Variants in CFAP46 observed in about 807,000 individuals in gnomAD.
CFAP46 encodes cilia and flagella associated protein 46, also known as cilia- and flagella-associated protein 46.
A neutral mutation model predicts 325.7 loss-of-function variants in CFAP46; 245 were observed. The observed-to-expected ratio is 0.75, with a 90% CI of 0.68 to 0.84. The LOEUF (loss-of-function observed/expected upper bound fraction) is 0.84. Ranked by LOEUF, CFAP46 falls within the 40% of genes least tolerant of loss-of-function variation. The pLI, the probability that CFAP46 is intolerant of heterozygous loss-of-function variation, is 0.00. For missense variants in CFAP46, 3,346 were observed against 3,543.0 expected (o/e 0.94, Z 1.41); for synonymous variants, 1,523 against 1,495.9 (o/e 1.02, Z -0.42).
chr10:132,845,324 C>T (rs184634260), intron 44 of CFAP46, among the ~76,000 whole-genome samples: 168 of 152,342 alleles, frequency 1.1e-3, no homozygotes, highest in African/African-American at 3.5e-3. Context: ...GGCCATGTTG[C>T]GCCCACTGGC....
chr10:132,846,128 G>C lies in CFAP46; in HGVS notation c.6367C>G (p.Leu2123Val). 6.2e-7 allele frequency: 1 copy of C among 1,610,530 alleles called. No individual in the cohort carries two copies. Residue 2123 changes from leucine to valine, a missense_variant, in exon 44 of 58, where the codon CTC (leucine) becomes GTC (valine). Coordinates refer to ENST00000368586, the MANE Select transcript of CFAP46 (RefSeq NM_001200049.3). The stretch of plus-strand genomic sequence containing the variant: ...GTGGTGGTCCTGTCTTGGCACCGGA[G>C]CTGGTGCTGTAGCTGCAGCAGGGCC... ...LAALLQLQHQ[L>V]RCQDRTTTSL...
At chr10:132,938,542 G>C (rs748597297) in intron 5 of CFAP46, 47 bp downstream of exon 5, 1 of 1,591,574 alleles carries the variant, frequency 6.3e-7, no homozygotes, top group East Asian at 2.3e-5. Flanking sequence ...CAGAGCCAGA[G>C]GGCGGCCCAC....
intron 50 of CFAP46, among the ~76,000 whole-genome samples, chr10:132,815,502 T>C (rs1428748644): frequency 6.6e-6 from 1 of 152,256 alleles, no homozygotes; most frequent in Non-Finnish European, 1.5e-5. Context: ...ATGGATTTCT[T>C]TATCAGGATG....
chr10:132,862,340 C>T (rs902443409), intron 35 of CFAP46, among the ~76,000 whole-genome samples: 9 of 150,772 alleles, frequency 6.0e-5, no homozygotes, highest in African/African-American at 2.2e-4. Context: ...GGCGACAGGG[C>T]GGGCAGGGGC....
intron 50 of CFAP46, among the ~76,000 whole-genome samples, chr10:132,815,773 G>A (rs532707808): frequency 4.5e-4 from 68 of 152,248 alleles, no homozygotes; most frequent in Admixed American, 6.5e-4. Context: ...GTGACAGAGC[G>A]AGACCGTCAG....
intron 39 of CFAP46, among the ~76,000 whole-genome samples, chr10:132,854,518 T>C (rs1848611317): frequency 6.6e-6 from 1 of 152,158 alleles, no homozygotes; most frequent in African/African-American, 2.4e-5. Context: ...TTTGTATTTT[T>C]AGTGGAGATG....
chr10:132,915,630 C>A (rs4406748), intron 17 of CFAP46, among the ~76,000 whole-genome samples: 3,305 of 150,382 alleles, frequency 0.022, 99 homozygotes, highest in African/African-American at 0.077. Context: ...GAGGGACCGG[C>A]GAGGGCGGGG....
intron 50 of CFAP46, among the ~76,000 whole-genome samples, chr10:132,822,925 GTGC>G (rs1261783322): frequency 1.4e-5 from 2 of 143,324 alleles, no homozygotes; most frequent in Non-Finnish European, 3.0e-5. Context: ...GTGCTGATGT[GTGC>G]TGATGTGTGC....
chr10:132,916,336 G>A (rs74161930), intron 17 of CFAP46, among the ~76,000 whole-genome samples: 45 of 152,318 alleles, frequency 3.0e-4, no homozygotes, highest in African/African-American at 9.1e-4. Context: ...GGGGTCTTGC[G>A]AGGAACGACG....
chr10:132,909,834 C>T (rs756917536), intron 20 of CFAP46, 85 bp downstream of exon 20: 22 of 1,299,270 alleles, frequency 1.7e-5, no homozygotes, highest in Non-Finnish European at 2.2e-5. Flanking sequence ...TAAGTGGTCC[C>T]GGGGGCCCCA....
Position 132,934,766 on chromosome 10 carries a change from A to G in CFAP46, c.852T>C (p.Ser284=), listed in dbSNP as rs1308548314. 2 of 1,602,420 alleles carry G rather than the reference A, an allele frequency of 1.2e-6. No individual in the cohort carries two copies. Among genetic ancestry groups the G allele is most frequent in the Non-Finnish European group, 1.7e-6 (2 of 1,170,060 alleles). The change falls in exon 8 of 58, where the codon TCT becomes TCC. Residue 284 remains serine (S), a synonymous_variant. Coordinates refer to ENST00000368586, the MANE Select transcript of CFAP46 (RefSeq NM_001200049.3). ...CAAACACTTACTTTTCTTCACTGAT[A>G]GAGGGAAAGCGCTGGTGGTTGTAAT... ...LGHYNHQRFP[S]ISEEKMLLLF... is the part of the protein sequence containing the mutation.
intron 17 of CFAP46, among the ~76,000 whole-genome samples, chr10:132,915,352 C>T (rs1015545525): frequency 2.6e-5 from 4 of 152,222 alleles, no homozygotes; most frequent in South Asian, 2.1e-4. Context: ...GGCCTGGGCC[C>T]GGTGGCTCCT....
Position 132,846,968 on chromosome 10 carries a change from G to A in CFAP46, c.6231C>T (p.Asp2077=), listed in dbSNP as rs370961492. The A allele has an allele frequency of 2.5e-6, 4 of 1,610,848 alleles. No individual in the cohort carries two copies. The African/African-American group carries it at 4.0e-5, about 16-fold the overall frequency. Residue 2077 remains aspartate, a synonymous_variant, in exon 43 of 58, where the codon GAC becomes GAT. Coordinates refer to ENST00000368586, the MANE Select transcript of CFAP46 (RefSeq NM_001200049.3). ...CCAGGAACTGGCAGGTAGTTGCAGG[G>A]TCCAGGGTGCCGACACACTCCACCA... ...LEMVECVGTL[D]PATTCQFLAL...
intron 24 of CFAP46, among the ~76,000 whole-genome samples, chr10:132,893,734 G>A (rs937620334): frequency 2.5e-4 from 38 of 152,354 alleles, no homozygotes; most frequent in African/African-American, 7.7e-4. Flanking sequence ...TCTTCCCAGT[G>A]TACTTTCTTT....
At position 132,886,781 on chromosome 10, in the gene CFAP46, G is replaced by A. The variant is rs1402729486; in HGVS notation, c.3305-822C>T. On this transcript the variant is annotated intron_variant, in intron 25 of 57. Transcript: ENST00000368586. This position sits in a 1 kb window ranked among gnomAD's most constrained non-coding sequence, Gnocchi z 5.8. ...ATCCAAAACATCAAACCAAGGCCAT[G>A]GAGGCCCCACCTCGGGAAGGGGTGC... Among the ~76,000 whole-genome samples, 1 of 152,138 alleles carries A rather than the reference G, an allele frequency of 6.6e-6. No individual in the cohort carries two copies. Among genetic ancestry groups the A allele is most frequent in the Non-Finnish European group, 1.5e-5 (1 of 68,018 alleles).
chr10:132,931,009 C>T (rs748829298), intron 8 of CFAP46, among the ~76,000 whole-genome samples: 4 of 130,234 alleles, frequency 3.1e-5, no homozygotes, highest in Non-Finnish European at 4.9e-5. Context: ...CTGGGCCTTC[C>T]TCCTCCACAA....
intron 18 of CFAP46, 65 bp from the exon 19 acceptor site, chr10:132,912,885 G>T: frequency 6.6e-7 from 1 of 1,526,606 alleles, no homozygotes. Context: ...CCCATGTGCT[G>T]AGTCCTCAGG....
rs779638365 is a variant in CFAP46, at chr10:132,814,875, T to C, written c.7157A>G (p.Lys2386Arg). The C allele has an allele frequency of 1.2e-6, 2 of 1,614,184 alleles. No homozygotes were observed. Among genetic ancestry groups the C allele is most frequent in the East Asian group, 2.2e-5 (1 of 44,872 alleles). ...GCCCTTCTTCGCTAGGCTTCTCTTT[T>C]TGGGGTCTCTGCTTCTTCCCTCCTT... The part of the protein sequence containing the change: ...VKKEGRSRDP[K>R]KRSLAKKGRK... Residue 2386 changes from lysine to arginine, a missense_variant, in exon 51 of 58, where the codon AAA becomes AGA. Physicochemically the swap from Lys to Arg is conservative, Grantham distance 26 (BLOSUM62 2). Transcript: ENST00000368586.
chr10:132,918,701 CGT>C (rs1370896872), intron 15 of CFAP46, among the ~76,000 whole-genome samples, 181 bp from the exon 16 acceptor site: 2 of 152,118 alleles, frequency 1.3e-5, no homozygotes, highest in Non-Finnish European at 2.9e-5. Flanking sequence ...AGGAGCTCTC[CGT>C]GGGATGGCGG....
Sources: gnomAD v4.1 joint callset for allele counts (sites outside exome capture counted in the v4.1 genomes callset) on GRCh38, gnomAD v4.1.1 for gene constraint, Gnocchi (gnomAD v3.1) non-coding constraint, MANE v1.5 for transcripts, NCBI Gene and HGNC (gene_info 2026-07-23, HGNC 2026-07-21) for gene names.